Variants in MLLT10 observed in about 807,000 individuals in gnomAD.
MLLT10 encodes the protein protein AF-10.
Under a neutral mutation model 129.1 loss-of-function variants are expected in MLLT10, and 30 were observed. The ratio of observed to expected loss-of-function variants is 0.23; its 90% confidence interval spans 0.17 to 0.32. The LOEUF is 0.32. MLLT10 is among the 10% of genes least tolerant of loss of function. The pLI is 1.00. For synonymous variants in MLLT10, 490 were observed against 446.4 expected, an observed-to-expected ratio of 1.10 and a Z score of -1.23; for missense variants, 1,119 against 1,268.3, an observed-to-expected ratio of 0.88 and a Z score of 1.79.
chr10:21,615,210 C>T (rs2045107527), intron 7 of MLLT10, among the ~76,000 whole-genome samples: 1 of 151,986 alleles, frequency 6.6e-6, no homozygotes, highest in Admixed American at 6.6e-5. Flanking sequence ...GTAATCCCAG[C>T]ACTTTGGGAG....
chr10:21,722,005 A>G (rs1229740591), intron 14 of MLLT10, among the ~76,000 whole-genome samples: 1 of 151,854 alleles, frequency 6.6e-6, no homozygotes, highest in Non-Finnish European at 1.5e-5. Context: ...ATATTATATG[A>G]AGGATGTATA....
chr10:21,622,749 C>G (rs1247329018), intron 8 of MLLT10, among the ~76,000 whole-genome samples: 1 of 152,194 alleles, frequency 6.6e-6, no homozygotes, highest in Non-Finnish European at 1.5e-5. Context: ...ACCCAATTCT[C>G]TGTGGACACC....
At chr10:21,656,095 T>C (rs2049559500) in intron 9 of MLLT10, among the ~76,000 whole-genome samples, 1 of 152,146 alleles carries the variant, frequency 6.6e-6, no homozygotes, top group East Asian at 1.9e-4. Flanking sequence ...CTTGAGTGTT[T>C]GAAGAGGTTG....
chr10:21,559,231 C>T (rs575061404), intron 3 of MLLT10, among the ~76,000 whole-genome samples: 8 of 152,238 alleles, frequency 5.3e-5, no homozygotes, highest in Admixed American at 3.9e-4. Flanking sequence ...CTACAGGCAT[C>T]CGCCACCACG....
At chr10:21,552,968 C>T (rs2037334234) in intron 3 of MLLT10, among the ~76,000 whole-genome samples, 1 of 151,852 alleles carries the variant, frequency 6.6e-6, no homozygotes, top group Admixed American at 6.6e-5. Context: ...CATCTGCTTG[C>T]TCCCATCTGG....
intron 2 of MLLT10, among the ~76,000 whole-genome samples, chr10:21,536,654 G>C (rs1052533390): frequency 6.6e-6 from 1 of 152,148 alleles, no homozygotes; most frequent in Non-Finnish European, 1.5e-5. Flanking sequence ...GCTCACTGCA[G>C]CCTTGACCTT....
intron 16 of MLLT10, among the ~76,000 whole-genome samples, chr10:21,730,657 T>C (rs1052458125): frequency 6.6e-6 from 1 of 152,224 alleles, no homozygotes; most frequent in Non-Finnish European, 1.5e-5. Context: ...TATTTTCTAG[T>C]GGTTTTTAAT....
At chr10:21,735,483 C>T (rs1008966836) in intron 21 of MLLT10, among the ~76,000 whole-genome samples, 3 of 152,098 alleles carry the variant, frequency 2.0e-5, no homozygotes, top group African/African-American at 7.2e-5. Flanking sequence ...AGATGTGGTG[C>T]GTGTTTTCCC....
intron 3 of MLLT10, among the ~76,000 whole-genome samples, chr10:21,548,456 G>A (rs2036456873): frequency 6.7e-6 from 1 of 149,456 alleles, no homozygotes; most frequent in Admixed American, 6.7e-5. Flanking sequence ...TGCAAGCTCC[G>A]CCTCCCGGGT....
At chr10:21,597,794 A>G (rs770752971) in intron 5 of MLLT10, among the ~76,000 whole-genome samples, 2 of 152,196 alleles carry the variant, frequency 1.3e-5, no homozygotes, top group Non-Finnish European at 2.9e-5. Context: ...GATTTGCCTG[A>G]TGTTTCATCA....
chr10:21,581,461 C>T (rs1446020014), intron 3 of MLLT10, among the ~76,000 whole-genome samples: 2 of 152,188 alleles, frequency 1.3e-5, no homozygotes, highest in East Asian at 3.9e-4. Flanking sequence ...CTAGAAGTTG[C>T]TCTGGGTGAG....
At chr10:21,548,937 T>C (rs2036533253) in intron 3 of MLLT10, among the ~76,000 whole-genome samples, 1 of 152,158 alleles carries the variant, frequency 6.6e-6, no homozygotes, top group African/African-American at 2.4e-5. Flanking sequence ...TAGATGTCTT[T>C]ATATATTGTG....
intron 3 of MLLT10, chr10:21,556,803 C>A: frequency 6.3e-7 from 1 of 1,576,694 alleles, no homozygotes; most frequent in Non-Finnish European, 8.6e-7. Flanking sequence ...TGTCTTACTA[C>A]AGCAGCTTTC....
chr10:21,553,532 G>A (rs963204101), intron 3 of MLLT10, among the ~76,000 whole-genome samples: 3 of 151,672 alleles, frequency 2.0e-5, no homozygotes, highest in Non-Finnish European at 4.4e-5. Flanking sequence ...TCGCCATATT[G>A]GCCAGGCTGG....
chr10:21,575,271 A>G (rs1231548778), intron 3 of MLLT10, among the ~76,000 whole-genome samples: 1 of 152,048 alleles, frequency 6.6e-6, no homozygotes, highest in Non-Finnish European at 1.5e-5. Flanking sequence ...GGCTTACTGC[A>G]ACCTCTGCAT....
intron 22 of MLLT10, 30 bp downstream of exon 22, chr10:21,740,266 G>T: frequency 6.3e-7 from 1 of 1,599,758 alleles, no homozygotes; most frequent in South Asian, 1.1e-5. Context: ...TACATCTAAT[G>T]AAACAAGAAC....
chr10:21,630,467 A>T (rs2046893857), intron 8 of MLLT10, among the ~76,000 whole-genome samples: 1 of 152,210 alleles, frequency 6.6e-6, no homozygotes, highest in Non-Finnish European at 1.5e-5. Context: ...TCACATTTAT[A>T]CACATCTTGT....
chr10:21,549,158 CT>C (rs980800587), intron 3 of MLLT10, among the ~76,000 whole-genome samples: 4 of 137,164 alleles, frequency 2.9e-5, no homozygotes, highest in Admixed American at 2.4e-4. Context: ...GAGTCTTGCT[CT>C]GTCACCCTGG....
intron 8 of MLLT10, among the ~76,000 whole-genome samples, chr10:21,645,981 G>C (rs1170249856): frequency 3.3e-5 from 5 of 152,154 alleles, no homozygotes; most frequent in Non-Finnish European, 5.9e-5. Flanking sequence ...GAGGCAGGCA[G>C]ATCACTTGAG....
Sources: gnomAD v4.1 joint callset for allele counts (sites outside exome capture counted in the v4.1 genomes callset) on GRCh38, gnomAD v4.1.1 for gene constraint, MANE v1.5 for transcripts, NCBI Gene and HGNC (gene_info 2026-07-23, HGNC 2026-07-21) for gene names.